Variants in GPNMB observed in about 807,000 individuals in gnomAD.
The protein encoded by GPNMB is transmembrane glycoprotein NMB.
A neutral mutation model predicts 57.3 loss-of-function variants in GPNMB; 71 were observed. That is an observed-to-expected ratio of 1.24 (90% CI 1.02 to 1.51). The LOEUF is 1.51. GPNMB is among the 40% of genes most tolerant of loss of function. GPNMB has a pLI of 0.00. For missense variants in GPNMB, 677 were observed against 691.9 expected (o/e 0.98, Z 0.24); for synonymous variants, 253 against 263.2 (o/e 0.96, Z 0.38).
Position 23,257,298 on chromosome 7 carries a change from C to G in GPNMB, c.541+233C>G, listed in dbSNP as rs529738064. 26 of 590,746 alleles carry G rather than the reference C, an allele frequency of 4.4e-5. 1 individual carries two copies. In the South Asian group the frequency reaches 4.8e-4, roughly 11 times the overall value. The allele number at this position is 590,746 out of a possible 1,614,324, so 36.6% of individuals were successfully genotyped here. A position where few individuals can be genotyped will look rare whatever the true frequency, so the allele number is the denominator to read the frequency against. On this transcript the variant is annotated intron_variant, in intron 4 of 10. Coordinates refer to ENST00000258733, the MANE Select transcript of GPNMB (RefSeq NM_002510.3). ...GAGAGAAAAACAAAAAGATTAAGCT[C>G]TTTTTCAAAAAAACAAAACCACTTA...
At chr7:23,250,366 C>T (rs908127441) in intron 1 of GPNMB, among the ~76,000 whole-genome samples, 1 of 152,234 alleles carries the variant, frequency 6.6e-6, no homozygotes, top group Non-Finnish European at 1.5e-5. Context: ...TTCACCTATG[C>T]TTTTTGCTTT....
intron 1 of GPNMB, among the ~76,000 whole-genome samples, chr7:23,249,284 A>G (rs1782608518): frequency 6.6e-6 from 1 of 152,224 alleles, no homozygotes; most frequent in Admixed American, 6.5e-5. Context: ...GTTGTAAGAA[A>G]TAATACAGAG....
rs1783122144 is a variant in GPNMB at position 23,268,422 on chromosome 7, A to C, written c.1220+434A>C. ...CTCACAGGAGTGCTCTTAAGCTCCC[A>C]GGTAGTTGTCTATGCTAACATTAAT... On this transcript the variant is annotated intron_variant, in intron 8 of 10. Transcript: ENST00000258733. Among the ~76,000 whole-genome samples, 3 of 152,322 alleles carry C rather than the reference A, an allele frequency of 2.0e-5. No homozygotes were observed. In the South Asian group the frequency reaches 6.2e-4, roughly 32 times the overall value.
At chr7:23,247,074 G>A in intron 1 of GPNMB, 147 bp downstream of exon 1, 1 of 679,456 alleles carries the variant, frequency 1.5e-6, no homozygotes, top group South Asian at 1.7e-5. Flanking sequence ...TCTGCAAACT[G>A]TTGGGAAGGC....
chr7:23,257,514 A>G (rs985204088), intron 4 of GPNMB: 1 of 192,514 alleles, frequency 5.2e-6, no homozygotes, highest in South Asian at 9.9e-5. Flanking sequence ...CCTACTAAAA[A>G]TACAAAAATT....
intron 5 of GPNMB, 86 bp downstream of exon 5, chr7:23,260,224 G>A (rs1782883445): frequency 2.8e-6 from 4 of 1,424,472 alleles, no homozygotes; most frequent in African/African-American, 1.4e-5. Flanking sequence ...CCAAGTGTTC[G>A]GGGTTAGGTT....
chr7:23,254,122 A>G (rs1475461596), intron 2 of GPNMB, 47 bp from the exon 3 acceptor site: 1 of 1,564,580 alleles, frequency 6.4e-7, no homozygotes, highest in Non-Finnish European at 8.6e-7. Context: ...TTATGAACGA[A>G]AGGAAAAAGA....
intron 5 of GPNMB, 72 bp downstream of exon 5, chr7:23,260,210 A>T: frequency 6.6e-7 from 1 of 1,511,474 alleles, no homozygotes; most frequent in Non-Finnish European, 9.2e-7. Context: ...AAAAAGAGGT[A>T]AGGCCAAGTG....
chr7:23,274,353 T>C lies in GPNMB; in HGVS notation c.*129T>C. ...TTGTGGTTTGGGGAAGTTGAATTTT[T>C]TATAGGTTAAATGTCATTTTAGAGA... On this transcript the variant is annotated 3_prime_UTR_variant, in exon 11 of 11. Transcript: ENST00000258733. 1.4e-6 allele frequency: 1 copy of C among 692,198 alleles called. No homozygotes were observed. The highest frequency in any genetic ancestry group is 2.4e-6 in the Non-Finnish European group (1 of 411,782). 42.9% of individuals were successfully genotyped at this position (692,198 alleles called of 1,614,324 possible). A position where few individuals can be genotyped will look rare whatever the true frequency, so the allele number is the denominator to read the frequency against.
chr7:23,267,855 A>G lies in GPNMB; in HGVS notation c.1118-31A>G, dbSNP rs141070290. 5.6e-5 allele frequency: 74 copies of G among 1,311,058 alleles called. No homozygotes were observed. In the African/African-American group the frequency reaches 8.1e-4, roughly 14 times the overall value. The allele number at this position is 1,311,058 out of a possible 1,614,324, so 81.2% of individuals were successfully genotyped here. A position where few individuals can be genotyped will look rare whatever the true frequency, so the allele number is the denominator to read the frequency against. ...TTTGTTTGATTTCTGTTGTATTTTG[A>G]TGTGTTTTTCTCTGGGGGTTATTTT... On this transcript the variant is annotated intron_variant, in intron 7 of 10. Coordinates refer to ENST00000258733, the MANE Select transcript of GPNMB (RefSeq NM_002510.3).
At chr7:23,253,613 T>C (rs986993821) in intron 2 of GPNMB, among the ~76,000 whole-genome samples, 154 bp downstream of exon 2, 3 of 152,216 alleles carry the variant, frequency 2.0e-5, no homozygotes, top group African/African-American at 4.8e-5. Flanking sequence ...TGGCAATATT[T>C]TCTTTAGCCC....
chr7:23,261,519 A>C (rs1390623130), intron 6 of GPNMB, among the ~76,000 whole-genome samples: 1 of 152,178 alleles, frequency 6.6e-6, no homozygotes, highest in Non-Finnish European at 1.5e-5. Flanking sequence ...TTCTGAGCAA[A>C]CTATCACAAG....
At chr7:23,272,419 C>T (rs754331792) in intron 9 of GPNMB, among the ~76,000 whole-genome samples, 1 of 151,698 alleles carries the variant, frequency 6.6e-6, no homozygotes, top group Admixed American at 6.6e-5. Flanking sequence ...CCCTTGAGCC[C>T]AGAAGTCCAG....
In GPNMB at chr7:23,246,812, G is replaced by A; in HGVS notation, c.-46G>A. 5 of 1,379,484 alleles carry A rather than the reference G, an allele frequency of 3.6e-6. No individual in the cohort carries two copies. Among genetic ancestry groups the A allele is most frequent in the Non-Finnish European group, 5.2e-6 (5 of 966,016 alleles). The allele number at this position is 1,379,484 out of a possible 1,614,324, so 85.5% of individuals were successfully genotyped here. A position where few individuals can be genotyped will look rare whatever the true frequency, so the allele number is the denominator to read the frequency against. ...TTGCTCTTGGTGGACGGGCCCAGAG[G>A]AATTCAGAGTTAAACCTTGAGTGCC... On this transcript the variant is annotated 5_prime_UTR_variant, in exon 1 of 11. Coordinates refer to ENST00000258733, the MANE Select transcript of GPNMB (RefSeq NM_002510.3).
At chr7:23,254,754 G>A (rs573446719) in intron 3 of GPNMB, among the ~76,000 whole-genome samples, 7 of 152,332 alleles carry the variant, frequency 4.6e-5, no homozygotes, top group Admixed American at 3.3e-4. Context: ...ATGCTAAAAT[G>A]TGTATATTTT....
intron 1 of GPNMB, 143 bp from the exon 2 acceptor site, chr7:23,253,163 TA>T: frequency 1.6e-6 from 1 of 611,584 alleles, no homozygotes; most frequent in Non-Finnish European, 2.7e-6. Context: ...AGACTTCCTT[TA>T]AAAAACAAAG....
chr7:23,271,614 A>G (rs926256978), intron 9 of GPNMB, among the ~76,000 whole-genome samples: 24 of 152,150 alleles, frequency 1.6e-4, no homozygotes, highest in African/African-American at 5.6e-4. Context: ...TGGCCAACAT[A>G]GTGAAACCCC....
chr7:23,266,186 T>A (rs1395085728), intron 6 of GPNMB: 2 of 252,438 alleles, frequency 7.9e-6, no homozygotes, highest in East Asian at 2.1e-4. Context: ...CCTGACCTCA[T>A]GATCTGCCCC....
intron 6 of GPNMB, among the ~76,000 whole-genome samples, chr7:23,263,944 G>A (rs1583829726): frequency 6.6e-6 from 1 of 152,136 alleles, no homozygotes; most frequent in Non-Finnish European, 1.5e-5. Context: ...AAATGCAAAT[G>A]CAGGAGTGAG....
Sources: allele counts gnomAD v4.1 joint callset (sites outside exome capture counted in the v4.1 genomes callset), GRCh38; gene constraint gnomAD v4.1.1; transcripts MANE v1.5; gene names NCBI Gene and HGNC (gene_info 2026-07-23, HGNC 2026-07-21).